IGSF21: variants seen among roughly 807,000 people sequenced by gnomAD.
The protein encoded by IGSF21 is immunoglobin superfamily member 21.
Under a neutral mutation model 46.8 loss-of-function variants are expected in IGSF21, and 28 were observed. That is an observed-to-expected ratio of 0.60 (90% CI 0.44 to 0.82). IGSF21 has a LOEUF of 0.82. Ranked by LOEUF, IGSF21 falls within the 40% of genes least tolerant of loss-of-function variation. The pLI is 0.00. For missense variants in IGSF21, 624 were observed against 665.5 expected (o/e 0.94, Z 0.69); for synonymous variants, 284 against 273.6 (o/e 1.04, Z -0.38).
chr1:18,333,732 G>A (rs746795780), intron 3 of IGSF21, among the ~76,000 whole-genome samples: 10 of 152,180 alleles, frequency 6.6e-5, no homozygotes, highest in Non-Finnish European at 1.5e-4. Flanking sequence ...GGGAGACAGA[G>A]CAACATACCA....
At chr1:18,293,738 C>T (rs971160370) in intron 3 of IGSF21, among the ~76,000 whole-genome samples, 1 of 152,182 alleles carries the variant, frequency 6.6e-6, no homozygotes, top group Non-Finnish European at 1.5e-5. Context: ...CTCCACGACT[C>T]CCAGAAGCCT....
rs2086295555 is a variant in IGSF21 at position 18,377,420 on chromosome 1, A to C, written c.1322A>C (p.Glu441Ala). 6.2e-7 allele frequency: 1 copy of C among 1,613,582 alleles called. No individual in the cohort carries two copies. Among genetic ancestry groups the C allele is most frequent in the South Asian group, 1.1e-5 (1 of 91,064 alleles). Reference protein sequence around the residue: ...FENPNIPRGTEDSNGSIGPTG... With the variant: ...FENPNIPRGTADSNGSIGPTG... ...AACCCAAATATCCCAAGAGGAACGG[A>C]GGACTCTAATGGTAAGTCTCTACCC... The change falls in exon 9 of 10, where the codon GAG (glutamate) becomes GCG (alanine). Residue 441 changes from glutamate to alanine, a missense_variant. Physicochemically the swap from Glu to Ala is moderately radical, Grantham distance 107. Transcript: ENST00000251296.
intron 1 of IGSF21, among the ~76,000 whole-genome samples, chr1:18,136,937 C>G (rs951812271): frequency 6.6e-6 from 1 of 152,112 alleles, no homozygotes; most frequent in Non-Finnish European, 1.5e-5. Context: ...TTTCACTGAG[C>G]AGTGGTTTGT....
intron 1 of IGSF21, among the ~76,000 whole-genome samples, chr1:18,149,599 C>G (rs2086502285): frequency 1.3e-5 from 2 of 152,090 alleles, no homozygotes; most frequent in Admixed American, 1.3e-4. Context: ...CGTGCATGAG[C>G]TCTCTCGGTG....
At chr1:18,209,556 G>A (rs973327074) in intron 1 of IGSF21, among the ~76,000 whole-genome samples, 2 of 151,476 alleles carry the variant, frequency 1.3e-5, no homozygotes, top group African/African-American at 4.9e-5. Context: ...CTGGGTTCAT[G>A]CGATTCTCCT....
chr1:18,367,231 G>A (rs1401842449), intron 6 of IGSF21, among the ~76,000 whole-genome samples: 1 of 152,114 alleles, frequency 6.6e-6, no homozygotes, highest in African/African-American at 2.4e-5. Context: ...GTTTCATCTG[G>A]ACCATCAGAA....
chr1:18,346,526 C>T (rs1054955024), intron 4 of IGSF21, among the ~76,000 whole-genome samples: 12 of 151,964 alleles, frequency 7.9e-5, no homozygotes, highest in African/African-American at 2.9e-4. Flanking sequence ...CATAAGAGGC[C>T]TTTCCAAGCA....
At position 18,337,016 on chromosome 1, in the gene IGSF21, G is replaced by T. The variant is rs1449285402; in HGVS notation, c.424+2006G>T. On this transcript the variant is annotated intron_variant, in intron 4 of 9. Transcript: ENST00000251296. This position sits in a 1 kb window ranked among gnomAD's most constrained non-coding sequence, Gnocchi z 5.7. ...CCTATGATTCAGTTATCTCCCACTA[G>T]GTCCCTCCTACAACACATGGGAATT... Among the ~76,000 whole-genome samples, 16 of 152,148 alleles carry T rather than the reference G, an allele frequency of 1.1e-4. No individual in the cohort carries two copies. Among genetic ancestry groups the T allele is most frequent in the Admixed American group, 1.0e-3 (16 of 15,274 alleles).
intron 4 of IGSF21, among the ~76,000 whole-genome samples, chr1:18,342,634 G>A (rs2085854904): frequency 6.6e-6 from 1 of 152,108 alleles, no homozygotes; most frequent in African/African-American, 2.4e-5. Context: ...CACCCTTTCT[G>A]TCTCTATAGA....
At chr1:18,261,813 C>T (rs936911908) in intron 2 of IGSF21, among the ~76,000 whole-genome samples, 5 of 152,262 alleles carry the variant, frequency 3.3e-5, no homozygotes, top group Non-Finnish European at 5.9e-5. Context: ...TGAAGCCCCC[C>T]GACCCCTCAG....
chr1:18,174,415 C>A (rs2086774705), intron 1 of IGSF21, among the ~76,000 whole-genome samples: 1 of 152,184 alleles, frequency 6.6e-6, no homozygotes, highest in Admixed American at 6.5e-5. Context: ...TGAAATGAAG[C>A]TTTGAAGTGA....
intron 1 of IGSF21, among the ~76,000 whole-genome samples, chr1:18,192,007 G>A (rs1452581558): frequency 3.9e-5 from 6 of 152,162 alleles, no homozygotes; most frequent in Admixed American, 1.3e-4. Context: ...CTCCTGGGCC[G>A]GGGAGGGCTG....
intron 2 of IGSF21, among the ~76,000 whole-genome samples, chr1:18,257,701 T>G (rs930447423): frequency 1.3e-5 from 2 of 152,182 alleles, no homozygotes; most frequent in South Asian, 4.1e-4. Context: ...GCATGCCTAC[T>G]GTGCACCAGG....
rs79345615 is a variant in IGSF21, at chr1:18,219,215, G to A, written c.71-8683G>A. Among the ~76,000 whole-genome samples the A allele has an allele frequency of 2.7e-3, 404 of 152,318 alleles. 2 individuals carry two copies. Among genetic ancestry groups the A allele is most frequent in the Non-Finnish European group, 4.1e-3 (281 of 68,028 alleles). The stretch of plus-strand genomic sequence containing the variant: ...GAGTGACAGGGGTGCTATTTACATG[G>A]GGTAGTCGCAAGAGTCTTCTCCAAA... On this transcript the variant is annotated intron_variant, in intron 1 of 9. Transcript: ENST00000251296.
At chr1:18,199,891 G>A (rs975149060) in intron 1 of IGSF21, among the ~76,000 whole-genome samples, 7 of 146,100 alleles carry the variant, frequency 4.8e-5, no homozygotes, top group Non-Finnish European at 7.7e-5. Flanking sequence ...AGCTGCTCCC[G>A]GCCCCCCCCT....
At chr1:18,237,927 T>A (rs145726641) in intron 2 of IGSF21, among the ~76,000 whole-genome samples, 2 of 152,120 alleles carry the variant, frequency 1.3e-5, no homozygotes, top group African/African-American at 2.4e-5. Flanking sequence ...GCTCTAGCCC[T>A]TCATTTATGA....
At chr1:18,175,056 G>A (rs529033884) in intron 1 of IGSF21, among the ~76,000 whole-genome samples, 7 of 152,140 alleles carry the variant, frequency 4.6e-5, no homozygotes, top group Non-Finnish European at 8.8e-5. Flanking sequence ...GGGTGGCCAA[G>A]CCAGGTTTCA....
intron 3 of IGSF21, among the ~76,000 whole-genome samples, chr1:18,304,509 C>T (rs1484064250): frequency 6.6e-6 from 1 of 152,156 alleles, no homozygotes; most frequent in Non-Finnish European, 1.5e-5. Context: ...GGATGACTTC[C>T]GTAAGGTCAC....
intron 3 of IGSF21, among the ~76,000 whole-genome samples, chr1:18,316,928 A>G (rs1405097333): frequency 6.6e-6 from 1 of 152,188 alleles, no homozygotes; most frequent in Non-Finnish European, 1.5e-5. Context: ...CAATGTTCTC[A>G]ATGCTGGGGC....
Sources: gnomAD v4.1 joint callset for allele counts (sites outside exome capture counted in the v4.1 genomes callset) on GRCh38, gnomAD v4.1.1 for gene constraint, Gnocchi (gnomAD v3.1) non-coding constraint, MANE v1.5 for transcripts, NCBI Gene and HGNC (gene_info 2026-07-23, HGNC 2026-07-21) for gene names.